Variants in ATP8B4 observed in about 807,000 individuals in gnomAD.
ATP8B4 encodes probable phospholipid-transporting ATPase IM.
ATP8B4 carries 133 observed loss-of-function variants against 145.6 expected under a neutral mutation model. That is an observed-to-expected ratio of 0.91 (90% CI 0.79 to 1.05). The LOEUF (loss-of-function observed/expected upper bound fraction) is 1.05, where lower values mean the gene tolerates loss of function less well. ATP8B4 is among the 50% of genes least tolerant of loss of function. The pLI is 0.00. For missense variants in ATP8B4, 1,458 were observed against 1,425.2 expected (o/e 1.02, Z -0.37); for synonymous variants, 507 against 492.9 (o/e 1.03, Z -0.38).
At position 50,143,074 on chromosome 15, in the gene ATP8B4, C is replaced by T. The variant is rs138963510; in HGVS notation, c.-42-36066G>A. On this transcript the variant is annotated intron_variant, in intron 1 of 3. Coordinates refer to the ATP8B4 transcript ENST00000558829. The stretch of plus-strand genomic sequence containing the variant: ...TCAACCTCATCAAAGCCCTCATTTC[C>T]CTTAAAGGCAAGAACTTTTCTTCTA... 3.7e-3 allele frequency among the ~76,000 whole-genome samples: 557 copies of T among 152,290 alleles called. 3 individuals are homozygous for T. The highest frequency in any genetic ancestry group is 0.01 in the South Asian group (50 of 4,822).
chr15:50,095,048 C>T (rs575069060), intron 2 of ATP8B4, among the ~76,000 whole-genome samples: 1 of 152,194 alleles, frequency 6.6e-6, no homozygotes, highest in East Asian at 1.9e-4. Context: ...AGCATCAAAA[C>T]GTTTTGTGAC....
chr15:50,045,787 C>T (rs1388477026), intron 4 of ATP8B4, among the ~76,000 whole-genome samples: 2 of 152,110 alleles, frequency 1.3e-5, no homozygotes, highest in Non-Finnish European at 2.9e-5. Context: ...CCCAAAGTTC[C>T]CTTCTAAATA....
chr15:49,997,602 C>T (rs1030940251), intron 8 of ATP8B4, among the ~76,000 whole-genome samples: 1 of 151,998 alleles, frequency 6.6e-6, no homozygotes. Flanking sequence ...GATGACAATC[C>T]TCTTGGGGAA....
chr15:49,891,309 A>C (rs1013465324), intron 23 of ATP8B4, among the ~76,000 whole-genome samples: 4 of 150,722 alleles, frequency 2.7e-5, no homozygotes, highest in African/African-American at 7.3e-5. Context: ...ATTACCTTTA[A>C]ATACAAGTTT....
chr15:49,899,163 T>C (rs1419198295), intron 21 of ATP8B4, among the ~76,000 whole-genome samples: 1 of 152,146 alleles, frequency 6.6e-6, no homozygotes, highest in Non-Finnish European at 1.5e-5. Context: ...AAATTGCTTG[T>C]TCCTCATGAT....
At chr15:50,160,569 T>G (rs113249943) in intron 1 of ATP8B4, among the ~76,000 whole-genome samples, 10 of 152,028 alleles carry the variant, frequency 6.6e-5, no homozygotes, top group Non-Finnish European at 1.5e-4. Context: ...GGTTTTGGTA[T>G]GTTGTGTTTC....
chr15:49,933,204 G>GA (rs963123561), intron 15 of ATP8B4, among the ~76,000 whole-genome samples: 17 of 149,170 alleles, frequency 1.1e-4, no homozygotes, highest in African/African-American at 3.0e-4. Context: ...AATAAGATCT[G>GA]AAAAAAAAAT....
At chr15:50,117,864 C>G (rs186227589) in intron 1 of ATP8B4, among the ~76,000 whole-genome samples, 160 of 152,228 alleles carry the variant, frequency 1.1e-3, no homozygotes, top group African/African-American at 3.6e-3. Flanking sequence ...ATGGATGGAA[C>G]TGGAGGATAT....
intron 2 of ATP8B4, among the ~76,000 whole-genome samples, chr15:50,087,894 A>C (rs1012162026): frequency 2.0e-5 from 3 of 152,192 alleles, no homozygotes; most frequent in African/African-American, 7.2e-5. Context: ...ATAAAAGGCC[A>C]AAAATAAATA....
intron 14 of ATP8B4, among the ~76,000 whole-genome samples, chr15:49,943,969 A>G (rs944722448): frequency 5.3e-5 from 8 of 152,224 alleles, no homozygotes; most frequent in African/African-American, 1.9e-4. Context: ...AAAGTATAGC[A>G]TTTTTGTATG....
At position 49,902,484 on chromosome 15, in the gene ATP8B4, C is replaced by G. The variant is rs78091625; in HGVS notation, c.2142-1245G>C. ...TACATTAACTTCTAGCTCAATATCTCCTTCTGCTGTCCAAGACCAAAATCA... is the reference window on the plus strand; with the variant it reads ...TACATTAACTTCTAGCTCAATATCTGCTTCTGCTGTCCAAGACCAAAATCA... On this transcript the variant is annotated intron_variant, in intron 20 of 27. Transcript: ENST00000284509. Among the ~76,000 whole-genome samples, 583 of 152,300 alleles carry G rather than the reference C, an allele frequency of 3.8e-3. 6 individuals are homozygous for G. The highest frequency in any genetic ancestry group is 0.013 in the African/African-American group (559 of 41,556).
At chr15:50,038,318 T>C (rs996898172) in intron 6 of ATP8B4, among the ~76,000 whole-genome samples, 20 of 152,222 alleles carry the variant, frequency 1.3e-4, no homozygotes, top group African/African-American at 4.3e-4. Context: ...CTATGGTAGA[T>C]GGCCCATGTA....
chr15:50,049,821 TTC>T (rs2052033714), intron 3 of ATP8B4, among the ~76,000 whole-genome samples: 1 of 152,198 alleles, frequency 6.6e-6, no homozygotes, highest in South Asian at 2.1e-4. Context: ...TTATTTTTTT[TTC>T]TTTTTTTACT....
At chr15:50,054,007 G>A (rs1241276284) in intron 3 of ATP8B4, among the ~76,000 whole-genome samples, 1 of 152,152 alleles carries the variant, frequency 6.6e-6, no homozygotes, top group African/African-American at 2.4e-5. Context: ...GACTATCATG[G>A]AAATGAGAGC....
intron 1 of ATP8B4, among the ~76,000 whole-genome samples, chr15:50,156,072 A>AT (rs2044407778): frequency 5.2e-4 from 3 of 5,824 alleles, no homozygotes; most frequent in African/African-American, 8.4e-4. Context: ...ATAAATAAAT[A>AT]AATATATATA....
chr15:50,162,593 G>A (rs920151933), intron 1 of ATP8B4, among the ~76,000 whole-genome samples: 16 of 152,050 alleles, frequency 1.1e-4, no homozygotes, highest in African/African-American at 3.4e-4. Flanking sequence ...TGCAAGCTCC[G>A]CCTCCCAGGT....
intron 1 of ATP8B4, among the ~76,000 whole-genome samples, chr15:50,129,389 T>C (rs1380655754): frequency 6.6e-6 from 1 of 152,206 alleles, no homozygotes; most frequent in East Asian, 1.9e-4. Flanking sequence ...ATATGTTCCA[T>C]GCCTCTCTTC....
rs150554477 is a variant in ATP8B4, at chr15:50,072,563, A to G, written c.87+1564T>C. ...CTTAAACTGTTCAGTACAAGCCTAA[A>G]GCCCACACATGTAATCATTCTGTAA... On this transcript the variant is annotated intron_variant, in intron 3 of 27. Coordinates refer to ENST00000284509, the MANE Select transcript of ATP8B4 (RefSeq NM_024837.4). Among the ~76,000 whole-genome samples, 111 of 152,266 alleles carry G rather than the reference A, an allele frequency of 7.3e-4. No homozygotes were observed. The East Asian group carries it at 0.021, about 28-fold the overall frequency.
intron 14 of ATP8B4, among the ~76,000 whole-genome samples, chr15:49,960,033 G>GTTTTT (rs34520441): frequency 7.2e-6 from 1 of 139,486 alleles, no homozygotes; most frequent in Non-Finnish European, 1.5e-5. Flanking sequence ...AATTTTTTTG[G>GTTTTT]TTTTTTTTTT....
Sources: gnomAD v4.1 joint callset for allele counts (sites outside exome capture counted in the v4.1 genomes callset) on GRCh38, gnomAD v4.1.1 for gene constraint, MANE v1.5 for transcripts, NCBI Gene and HGNC (gene_info 2026-07-23, HGNC 2026-07-21) for gene names.